PROX1: variants seen among roughly 807,000 people sequenced by gnomAD.
The protein encoded by PROX1 is prospero homeobox 1.
Under a neutral mutation model 58.8 loss-of-function variants are expected in PROX1, and 7 were observed. That is an observed-to-expected ratio of 0.12 (90% CI 0.07 to 0.22). The LOEUF is 0.22. Ranked by LOEUF, PROX1 falls within the 10% of genes least tolerant of loss-of-function variation. PROX1 has a pLI of 1.00. For synonymous variants in PROX1, 350 were observed against 358.3 expected (o/e 0.98, Z 0.26); for missense variants, 675 against 927.8 (o/e 0.73, Z 3.54).
intron 2 of PROX1, 123 bp from the exon 3 acceptor site, chr1:214,005,042 C>T: frequency 1.4e-6 from 1 of 703,082 alleles, no homozygotes; most frequent in Middle Eastern, 2.5e-4. Flanking sequence ...GTGTCATATA[C>T]CTTCCAGCAC....
At chr1:214,001,454 A>C (rs1663507668) in intron 2 of PROX1, among the ~76,000 whole-genome samples, 1 of 152,204 alleles carries the variant, frequency 6.6e-6, no homozygotes, top group Non-Finnish European at 1.5e-5. Flanking sequence ...TCCTCTTTGC[A>C]TCTCAAGAAA....
Position 213,997,521 on chromosome 1 carries a change from G to A in PROX1, c.986G>A (p.Gly329Asp). 1.9e-6 allele frequency: 3 copies of A among 1,614,004 alleles called. No homozygotes were observed. The highest frequency in any genetic ancestry group is 1.7e-6 in the Non-Finnish European group (2 of 1,179,970). ...EMAENKPKRE[G>D]NNKERDHGPN... ...GCTGAAAACAAGCCGAAGCGAGAAG[G>A]CAACAACAAAGAAAGAGACCATGGG... Residue 329 changes from glycine (G) to aspartate (D), a missense_variant, in exon 2 of 5, where the codon GGC becomes GAC. By Grantham distance (94) the Gly-to-Asp change is moderately conservative. Around this residue, in one of 8 missense-constraint regions of PROX1, gnomAD observed 403 missense variants for 477.4 expected, o/e 0.84. Coordinates refer to ENST00000366958, the MANE Select transcript of PROX1 (RefSeq NM_001270616.2). This position sits in a 1 kb window ranked among gnomAD's most constrained non-coding sequence, Gnocchi z 7.1.
upstream of PROX1, chr1:213,985,284 G>A (rs1662796846): frequency 6.6e-6 from 1 of 152,194 alleles, no homozygotes; most frequent in African/African-American, 2.4e-5. Flanking sequence ...GGAGTCGCCC[G>A]AGATAGGGGG....
At chr1:214,031,234 C>T (rs1664646638) in intron 4 of PROX1, among the ~76,000 whole-genome samples, 1 of 152,020 alleles carries the variant, frequency 6.6e-6, no homozygotes, top group African/African-American at 2.4e-5. Context: ...GATAGCCAAC[C>T]CCCTTCAAAT....
chr1:213,986,593 C>A (rs1662831186), upstream of PROX1, among the ~76,000 whole-genome samples: 2 of 152,110 alleles, frequency 1.3e-5, no homozygotes, highest in South Asian at 4.1e-4. Flanking sequence ...CCTGTTGTCA[C>A]GACACAGCAT....
chr1:213,996,551 A>C lies in PROX1; in HGVS notation c.16A>C (p.Ser6Arg). ...CCGTCCAGTGATGCCTGACCATGACAGCACAGCCCTCTTAAGCCGGCAAAC... is the reference window on the plus strand; with the variant it reads ...CCGTCCAGTGATGCCTGACCATGACCGCACAGCCCTCTTAAGCCGGCAAAC... MPDHD[S>R]TALLSRQTKR... The change falls in exon 2 of 5, where the codon AGC (serine) becomes CGC (arginine). Residue 6 changes from serine to arginine, a missense_variant. Physicochemically the swap from Ser to Arg is moderately radical, Grantham distance 110. This residue lies in a region of PROX1 where 157 missense variants were observed against 197.8 expected (regional missense o/e 0.79). Transcript: ENST00000366958. 1 of 1,613,772 alleles carries C rather than the reference A, an allele frequency of 6.2e-7. No individual in the cohort carries two copies. The highest frequency in any genetic ancestry group is 1.7e-5 in the Admixed American group (1 of 60,024).
intron 4 of PROX1, among the ~76,000 whole-genome samples, chr1:214,012,866 A>G (rs1663961260): frequency 6.6e-6 from 1 of 152,158 alleles, no homozygotes; most frequent in African/African-American, 2.4e-5. Context: ...AGGAAAGAGG[A>G]CACCTTGGCC....
At chr1:214,016,615 T>C (rs1228727271) in intron 4 of PROX1, among the ~76,000 whole-genome samples, 1 of 152,214 alleles carries the variant, frequency 6.6e-6, no homozygotes, top group Non-Finnish European at 1.5e-5. Flanking sequence ...AATTGATCTT[T>C]TAAGAGATCA....
upstream of PROX1, among the ~76,000 whole-genome samples, chr1:213,986,623 T>C (rs546950081): frequency 3.4e-4 from 52 of 152,196 alleles, no homozygotes; most frequent in Non-Finnish European, 6.5e-4. Flanking sequence ...TTTGATCTGA[T>C]TAAATTTGAG....
chr1:214,017,932 C>T (rs932645023), intron 4 of PROX1, among the ~76,000 whole-genome samples: 1 of 152,094 alleles, frequency 6.6e-6, no homozygotes, highest in African/African-American at 2.4e-5. Flanking sequence ...TTCTTCATCC[C>T]ACAAAGGGTT....
In PROX1 at chr1:213,988,416, GAGAGAGAGAT is replaced by G. The variant is rs1558164092; in HGVS notation, c.-125_-116del. ...TCTCTGCCGGGGGAAAAAAAAGAGA[GAGAGAGAGAT>G]AGAGAGAGAGAGAGAGAGAGAGAGA... On this transcript the variant is annotated 5_prime_UTR_variant, in exon 1 of 5. Coordinates refer to ENST00000366958, the MANE Select transcript of PROX1 (RefSeq NM_001270616.2). The G allele has an allele frequency of 6.7e-6, 1 of 149,770 alleles. No homozygotes were observed. The highest frequency in any genetic ancestry group is 2.1e-4 in the South Asian group (1 of 4,758). The allele number at this position is 149,770 out of a possible 1,614,324, so 9.3% of individuals were successfully genotyped here.
chr1:213,998,404 A>G (rs1174177952), intron 2 of PROX1, 144 bp downstream of exon 2: 14 of 1,030,650 alleles, frequency 1.4e-5, no homozygotes, highest in Non-Finnish European at 1.6e-5. Context: ...ATAGGCTTTT[A>G]TCAGCATGCG....
intron 4 of PROX1, among the ~76,000 whole-genome samples, chr1:214,024,571 A>G (rs1044018068): frequency 1.3e-5 from 2 of 152,122 alleles, no homozygotes; most frequent in African/African-American, 4.8e-5. Context: ...TCCCTTTCTC[A>G]TCACAACCTG....
intron 4 of PROX1, 46 bp downstream of exon 4, chr1:214,011,761 T>A (rs565245000): frequency 1.4e-6 from 2 of 1,471,302 alleles, no homozygotes; most frequent in South Asian, 1.3e-5. Context: ...TTTCCTTTTT[T>A]AAAAAATTTA....
intron 4 of PROX1, among the ~76,000 whole-genome samples, chr1:214,012,725 T>C (rs945878506): frequency 1.3e-5 from 2 of 152,336 alleles, no homozygotes; most frequent in East Asian, 1.9e-4. Flanking sequence ...TTATCTTGGC[T>C]AGATGCTGTG....
upstream of PROX1, among the ~76,000 whole-genome samples, chr1:213,983,544 C>A (rs1229790709): frequency 2.0e-5 from 3 of 152,244 alleles, no homozygotes; most frequent in Non-Finnish European, 2.9e-5. Context: ...CACCCTCACC[C>A]CATCTCACTC....
intron 2 of PROX1, among the ~76,000 whole-genome samples, chr1:214,004,337 G>T (rs1156649212): frequency 2.0e-5 from 3 of 152,154 alleles, no homozygotes; most frequent in African/African-American, 7.2e-5. Context: ...AGATCTAAAA[G>T]GTAATGATGT....
chr1:214,004,775 T>C (rs569258869), intron 2 of PROX1, among the ~76,000 whole-genome samples: 1 of 152,154 alleles, frequency 6.6e-6, no homozygotes, highest in Admixed American at 6.5e-5. Context: ...AACAGAACTG[T>C]AATTGCAAGG....
intron 4 of PROX1, among the ~76,000 whole-genome samples, chr1:214,034,636 T>G (rs1664770670): frequency 6.6e-6 from 1 of 152,106 alleles, no homozygotes; most frequent in Non-Finnish European, 1.5e-5. Flanking sequence ...AGCTACTGCT[T>G]TCCTTAGTCA....
Sources: gnomAD v4.1 joint callset for allele counts (sites outside exome capture counted in the v4.1 genomes callset) on GRCh38, gnomAD v4.1.1 for gene constraint, gnomAD v4.1.1 regional missense constraint, Gnocchi (gnomAD v3.1) non-coding constraint, MANE v1.5 for transcripts, NCBI Gene and HGNC (gene_info 2026-07-23, HGNC 2026-07-21) for gene names.